Variants in GRIA1 observed in about 807,000 individuals in gnomAD.
The protein encoded by GRIA1 is glutamate ionotropic receptor AMPA type subunit 1.
In GRIA1, 31 loss-of-function variants were observed where a neutral mutation model predicts 99.2. The observed-to-expected ratio is 0.31, with a 90% confidence interval of 0.23 to 0.42. GRIA1 has a LOEUF of 0.42. Ranked by LOEUF, GRIA1 falls within the 10% of genes least tolerant of loss-of-function variation. The pLI, the probability that GRIA1 is intolerant of heterozygous loss-of-function variation, is 1.00. For synonymous variants in GRIA1, 438 were observed against 432.4 expected (o/e 1.01, Z -0.16); for missense variants, 782 against 1,157.5 (o/e 0.68, Z 4.71).
At chr5:153,696,563 G>T (rs2149510413) in intron 8 of GRIA1, among the ~76,000 whole-genome samples, 1 of 152,360 alleles carries the variant, frequency 6.6e-6, no homozygotes, top group South Asian at 2.1e-4. Flanking sequence ...GTTAATGGCT[G>T]CGAGATTACA....
chr5:153,619,538 A>G (rs1417744342), intron 2 of GRIA1, among the ~76,000 whole-genome samples: 1 of 152,160 alleles, frequency 6.6e-6, no homozygotes, highest in Non-Finnish European at 1.5e-5. Context: ...GGAGAGAAAG[A>G]CAAATCGCTA....
chr5:153,665,527 C>T (rs1755682650), intron 5 of GRIA1, among the ~76,000 whole-genome samples: 1 of 152,138 alleles, frequency 6.6e-6, no homozygotes, highest in South Asian at 2.1e-4. Flanking sequence ...GTTAAAGTGG[C>T]TAAAATAGGA....
chr5:153,650,896 TAAAAAAAAAAAA>T (rs71575151), intron 4 of GRIA1, among the ~76,000 whole-genome samples: 42 of 70,146 alleles, frequency 6.0e-4, no homozygotes, highest in African/African-American at 1.6e-3. Context: ...CTGTCTCCAC[TAAAAAAAAAAAA>T]AAAAAAAAAA....
chr5:153,624,180 T>G (rs1174432999), intron 2 of GRIA1, among the ~76,000 whole-genome samples: 1 of 152,156 alleles, frequency 6.6e-6, no homozygotes, highest in Non-Finnish European at 1.5e-5. Context: ...ACTCAGTTAT[T>G]GGGTATATAA....
At chr5:153,747,414 C>G (rs1410054712) in intron 11 of GRIA1, among the ~76,000 whole-genome samples, 2 of 152,180 alleles carry the variant, frequency 1.3e-5, no homozygotes, top group African/African-American at 2.4e-5. Flanking sequence ...GGCCCCACCT[C>G]CAACATTGAC....
At chr5:153,692,800 GTTGT>G (rs1215889803) in intron 8 of GRIA1, among the ~76,000 whole-genome samples, 1 of 152,084 alleles carries the variant, frequency 6.6e-6, no homozygotes, top group Non-Finnish European at 1.5e-5. Context: ...CAAATAAAAG[GTTGT>G]TTATTACATC....
At chr5:153,752,233 T>C (rs1184334009) in intron 11 of GRIA1, among the ~76,000 whole-genome samples, 2 of 152,136 alleles carry the variant, frequency 1.3e-5, no homozygotes, top group Non-Finnish European at 2.9e-5. Context: ...CTTACTCACC[T>C]CTTCTATTTT....
chr5:153,655,863 T>C lies in GRIA1; in HGVS notation c.690T>C (p.Leu230=). The C allele has an allele frequency of 6.2e-7, 1 of 1,613,394 alleles. No individual in the cohort carries two copies. Among genetic ancestry groups the C allele is most frequent in the Non-Finnish European group, 8.5e-7 (1 of 1,179,520 alleles). ...EKNGIGYHYI[L]ANLGFMDIDL... ...ATGGCATCGGCTACCACTACATTCT[T>C]GCAAATCTGGTGAGTAGAGCACTGC... The change falls in exon 5 of 16, where the codon CTT becomes CTC. Residue 230 remains leucine (L), a synonymous_variant. Transcript: ENST00000285900.
chr5:153,668,307 A>G (rs1316758742), intron 5 of GRIA1, among the ~76,000 whole-genome samples: 1 of 152,226 alleles, frequency 6.6e-6, no homozygotes, highest in African/African-American at 2.4e-5. Flanking sequence ...TTGCTCCTGT[A>G]TAGGTCAAAA....
Position 153,582,341 on chromosome 5 carries a change from C to G in GRIA1, c.221-64587C>G, listed in dbSNP as rs58963930. On this transcript the variant is annotated intron_variant, in intron 2 of 15. Transcript: ENST00000285900. ...CCCTAGAAAGTCAGCAAATGGGGATCAGGGTGTCTTGAGCCCTGTGAAAGT... is the reference window on the plus strand; with the variant it reads ...CCCTAGAAAGTCAGCAAATGGGGATGAGGGTGTCTTGAGCCCTGTGAAAGT... 1.5e-3 allele frequency among the ~76,000 whole-genome samples: 231 copies of G among 152,272 alleles called. 1 individual carries two copies. The highest frequency in any genetic ancestry group is 5.2e-3 in the African/African-American group (217 of 41,572).
intron 2 of GRIA1, among the ~76,000 whole-genome samples, chr5:153,502,791 A>C (rs1041079744): frequency 3.3e-5 from 5 of 152,038 alleles, no homozygotes; most frequent in Non-Finnish European, 7.4e-5. Flanking sequence ...ATTGTTTGGA[A>C]CCTCTAGGAT....
At chr5:153,625,071 G>A (rs984263726) in intron 2 of GRIA1, among the ~76,000 whole-genome samples, 2 of 152,124 alleles carry the variant, frequency 1.3e-5, no homozygotes, top group African/African-American at 2.4e-5. Flanking sequence ...CGCAGCCCTG[G>A]TTGGCTGCTG....
chr5:153,650,136 T>C (rs1311012440), intron 3 of GRIA1, among the ~76,000 whole-genome samples, 194 bp from the exon 4 acceptor site: 5 of 152,206 alleles, frequency 3.3e-5, no homozygotes, highest in African/African-American at 1.2e-4. Flanking sequence ...AATCACTAGT[T>C]CTACCATCTA....
intron 11 of GRIA1, among the ~76,000 whole-genome samples, chr5:153,717,341 A>T (rs1002479447): frequency 6.6e-6 from 1 of 152,172 alleles, no homozygotes; most frequent in African/African-American, 2.4e-5. Flanking sequence ...ACAGAAGCAA[A>T]GAGAAATGAG....
intron 2 of GRIA1, among the ~76,000 whole-genome samples, chr5:153,500,596 CT>C (rs869173061): frequency 9.3e-4 from 137 of 147,474 alleles, no homozygotes; most frequent in Middle Eastern, 6.9e-3. Flanking sequence ...CTCTCTCTCT[CT>C]CCCCCTCTTA....
At position 153,812,685 on chromosome 5, in the gene GRIA1, AGCAAGAT is replaced by A. The variant is rs1480223703; in HGVS notation, c.*1461_*1467del. 1 of 152,156 alleles carries A rather than the reference AGCAAGAT, an allele frequency of 6.6e-6. No individual in the cohort carries two copies. 9.4% of individuals were successfully genotyped at this position (152,156 alleles called of 1,614,324 possible). A position where few individuals can be genotyped will look rare whatever the true frequency, so the allele number is the denominator to read the frequency against. Reference sequence around the variant, plus strand: ...GATTGGGGCTACAAAGCTGAACTAAAGCAAGATTGGTGAAGTGGCAGGGTTTATAGAG... The same window carrying A: ...GATTGGGGCTACAAAGCTGAACTAAATGGTGAAGTGGCAGGGTTTATAGAG... On this transcript the variant is annotated 3_prime_UTR_variant, in exon 16 of 16. Transcript: ENST00000285900.
intron 11 of GRIA1, among the ~76,000 whole-genome samples, chr5:153,707,622 C>T (rs1044948369): frequency 6.6e-6 from 1 of 152,172 alleles, no homozygotes; most frequent in Non-Finnish European, 1.5e-5. Flanking sequence ...ATCAAGGTCT[C>T]ATAGACATGT....
chr5:153,531,227 G>T lies in GRIA1; in HGVS notation c.220+37162G>T, dbSNP rs562721178. On this transcript the variant is annotated intron_variant, in intron 2 of 15. Transcript: ENST00000285900. The stretch of plus-strand genomic sequence containing the variant: ...TAATAGAAAGGAAGCCCACATGGGG[G>T]TTGGGAGGTGGTGAGCCCTAGAGGT... Among the ~76,000 whole-genome samples, 301 of 152,310 alleles carry T rather than the reference G, an allele frequency of 2.0e-3. 2 individuals carry two copies. The highest frequency in any genetic ancestry group is 7.1e-3 in the African/African-American group (297 of 41,572).
At chr5:153,745,649 G>A (rs1208178721) in intron 11 of GRIA1, among the ~76,000 whole-genome samples, 4 of 149,188 alleles carry the variant, frequency 2.7e-5, no homozygotes, top group Non-Finnish European at 4.5e-5. Flanking sequence ...CACTCACTTA[G>A]GAAATTAAGA....
Sources: allele counts gnomAD v4.1 joint callset (sites outside exome capture counted in the v4.1 genomes callset), GRCh38; gene constraint gnomAD v4.1.1; transcripts MANE v1.5; gene names NCBI Gene and HGNC (gene_info 2026-07-23, HGNC 2026-07-21).